Variants in CDC42SE2 observed in about 807,000 individuals in gnomAD.
The protein encoded by CDC42SE2 is CDC42 small effector protein 2.
A neutral mutation model predicts 11.5 loss-of-function variants in CDC42SE2; 3 were observed. That is an observed-to-expected ratio of 0.26 (90% CI 0.12 to 0.67). The LOEUF is 0.67. Among genes scored for constraint, CDC42SE2 ranks in the 30% least tolerant of loss-of-function variants. The pLI is 0.80. For missense variants in CDC42SE2, 82 were observed against 106.8 expected (o/e 0.77, Z 1.02); for synonymous variants, 33 against 34.8 (o/e 0.95, Z 0.18).
rs1425487780 is a variant in CDC42SE2 at position 131,336,460 on chromosome 5, C to T, written c.-286+20316C>T. 6.6e-5 allele frequency among the ~76,000 whole-genome samples: 10 copies of T among 152,120 alleles called. No individual in the cohort carries two copies. The East Asian group carries it at 1.5e-3, about 23-fold the overall frequency. On this transcript the variant is annotated intron_variant, in intron 2 of 4. Transcript: ENST00000505065. ...GACAATTACGTGTCTTGGAGTTGCT[C>T]TTCTCGAGGAGTATCTTTGTGGTGT... is the stretch of plus-strand genomic sequence containing the variant.
the CDC42SE2 span, among the ~76,000 whole-genome samples, chr5:131,221,597 GA>G: frequency 4.9e-5 from 7 of 142,946 alleles, no homozygotes; most frequent in African/African-American, 7.7e-5. Context: ...CATTACCAGT[GA>G]AAAAAAAAAC....
In CDC42SE2 at chr5:131,392,465, A is replaced by G. The variant is rs903965241; in HGVS notation, c.*1374A>G. 6.6e-6 allele frequency: 1 copy of G among 152,600 alleles called. No homozygotes were observed. Among genetic ancestry groups the G allele is most frequent in the Non-Finnish European group, 1.5e-5 (1 of 68,038 alleles). 9.5% of individuals were successfully genotyped at this position (152,600 alleles called of 1,614,324 possible). On this transcript the variant is annotated 3_prime_UTR_variant, in exon 5 of 5. Coordinates refer to ENST00000505065, the MANE Select transcript of CDC42SE2 (RefSeq NM_001375635.1). ...TTTAGCTGTGGCACCAAGTCACATC[A>G]TTTTCATAGAAAAAGATTACTTGTA...
chr5:131,339,177 G>A (rs1295457073), intron 2 of CDC42SE2, among the ~76,000 whole-genome samples: 2 of 149,984 alleles, frequency 1.3e-5, no homozygotes, highest in Admixed American at 1.3e-4. Context: ...GAACCCAGGA[G>A]GTGGAGGTTG....
chr5:131,322,416 G>A (rs950568052), intron 2 of CDC42SE2, among the ~76,000 whole-genome samples: 1 of 152,180 alleles, frequency 6.6e-6, no homozygotes, highest in Non-Finnish European at 1.5e-5. Flanking sequence ...GAATCATACA[G>A]TATTTATGTT....
the CDC42SE2 span, among the ~76,000 whole-genome samples, chr5:131,232,214 G>A: frequency 6.6e-6 from 1 of 151,844 alleles, no homozygotes; most frequent in Non-Finnish European, 1.5e-5. Flanking sequence ...CCCGAACTCA[G>A]GTGATCCTCC....
At chr5:131,284,207 C>T (rs917317195) in intron 1 of CDC42SE2, among the ~76,000 whole-genome samples, 11 of 152,144 alleles carry the variant, frequency 7.2e-5, no homozygotes, top group African/African-American at 2.4e-4. Context: ...AATAATGTCC[C>T]ATTGCATGGA....
Position 131,359,354 on chromosome 5 carries a change from C to T in CDC42SE2, c.-140C>T. 1.3e-6 allele frequency: 1 copy of T among 743,046 alleles called. No homozygotes were observed. Among genetic ancestry groups the T allele is most frequent in the Non-Finnish European group, 2.4e-6 (1 of 409,382 alleles). 46.0% of individuals were successfully genotyped at this position (743,046 alleles called of 1,614,324 possible). On this transcript the variant is annotated 5_prime_UTR_variant, in exon 3 of 5. Coordinates refer to ENST00000505065, the MANE Select transcript of CDC42SE2 (RefSeq NM_001375635.1). The stretch of plus-strand genomic sequence containing the variant: ...ATCGACTGTGTAAGATACTTGACTT[C>T]CAGGAACAAAAACACGGTGAAATAA...
intron 1 of CDC42SE2, among the ~76,000 whole-genome samples, chr5:131,313,168 G>A (rs1323699412): frequency 6.6e-6 from 1 of 151,902 alleles, no homozygotes; most frequent in Non-Finnish European, 1.5e-5. Context: ...ATTTTTAGTG[G>A]AGGCGGGGTT....
intron 2 of CDC42SE2, among the ~76,000 whole-genome samples, chr5:131,353,131 A>G (rs79578803): frequency 6.6e-6 from 1 of 151,850 alleles, no homozygotes; most frequent in Non-Finnish European, 1.5e-5. Context: ...ACACCCAGCT[A>G]ATTTTTAAAA....
chr5:131,359,626 C>A, intron 3 of CDC42SE2, 79 bp downstream of exon 3: 1 of 1,020,408 alleles, frequency 9.8e-7, no homozygotes, highest in Non-Finnish European at 1.6e-6. Flanking sequence ...GGATTGGGAT[C>A]CTAGCAGTAA....
intron 2 of CDC42SE2, among the ~76,000 whole-genome samples, chr5:131,336,049 G>A (rs1207030084): frequency 6.6e-6 from 1 of 152,178 alleles, no homozygotes. Context: ...AGTTGATGCA[G>A]TTTCTTCCTA....
At chr5:131,371,715 T>G (rs533927026) in intron 3 of CDC42SE2, among the ~76,000 whole-genome samples, 1 of 152,364 alleles carries the variant, frequency 6.6e-6, no homozygotes, top group South Asian at 2.1e-4. Flanking sequence ...TTTTGCATTT[T>G]AAGACCAGTT....
chr5:131,212,915 G>A, the CDC42SE2 span, among the ~76,000 whole-genome samples: 2 of 152,172 alleles, frequency 1.3e-5, no homozygotes, highest in Non-Finnish European at 1.5e-5. Flanking sequence ...ATCCGGCTGG[G>A]CATGGTGGCT....
intron 1 of CDC42SE2, among the ~76,000 whole-genome samples, chr5:131,304,953 A>C (rs561974154): frequency 6.6e-6 from 1 of 152,348 alleles, no homozygotes; most frequent in South Asian, 2.1e-4. Flanking sequence ...CTGTGAAATC[A>C]TAACCACACT....
At chr5:131,278,973 CAG>C (rs1184220771) in intron 1 of CDC42SE2, among the ~76,000 whole-genome samples, 1 of 150,382 alleles carries the variant, frequency 6.6e-6, no homozygotes, top group Non-Finnish European at 1.5e-5. Context: ...TTAGTAGAAA[CAG>C]GGTTTCATCA....
chr5:131,282,968 C>T (rs192669315), intron 1 of CDC42SE2, among the ~76,000 whole-genome samples: 152 of 146,670 alleles, frequency 1.0e-3, no homozygotes, highest in African/African-American at 3.6e-3. Flanking sequence ...ACTCTTGTTG[C>T]CCAGGCTGGA....
At chr5:131,272,363 A>C (rs182507290) in intron 1 of CDC42SE2, among the ~76,000 whole-genome samples, 3 of 152,120 alleles carry the variant, frequency 2.0e-5, no homozygotes, top group Admixed American at 2.0e-4. Context: ...TTTAATCACC[A>C]CAGATTACTT....
chr5:131,274,239 C>T (rs1037514915), intron 1 of CDC42SE2, among the ~76,000 whole-genome samples: 1 of 152,146 alleles, frequency 6.6e-6, no homozygotes, highest in Non-Finnish European at 1.5e-5. Flanking sequence ...TCCATCACCC[C>T]TCCACCCCAG....
chr5:131,218,336 C>T, the CDC42SE2 span, among the ~76,000 whole-genome samples: 1 of 152,044 alleles, frequency 6.6e-6, no homozygotes, highest in Non-Finnish European at 1.5e-5. Flanking sequence ...AATAAAACTA[C>T]AATGCAATAT....
Sources: allele counts gnomAD v4.1 joint callset (sites outside exome capture counted in the v4.1 genomes callset), GRCh38; gene constraint gnomAD v4.1.1; transcripts MANE v1.5; gene names NCBI Gene and HGNC (gene_info 2026-07-23, HGNC 2026-07-21).